Variants in CHN2 observed in about 807,000 individuals in gnomAD.
The protein encoded by CHN2 is chimerin 2.
A neutral mutation model predicts 56.3 loss-of-function variants in CHN2; 35 were observed. The ratio of observed to expected loss-of-function variants is 0.62; its 90% CI spans 0.47 to 0.82. The LOEUF (loss-of-function observed/expected upper bound fraction) is 0.82, where lower values mean the gene tolerates loss of function less well. Among genes scored for constraint, CHN2 ranks in the 40% least tolerant of loss-of-function variants. The pLI is 0.00. For missense variants in CHN2, 491 were observed against 580.5 expected, an observed-to-expected ratio of 0.85 and a Z score of 1.58; for synonymous variants, 210 against 212.8, an observed-to-expected ratio of 0.99 and a Z score of 0.12.
intron 6 of CHN2, among the ~76,000 whole-genome samples, chr7:29,428,085 A>T (rs1046805636): frequency 6.6e-6 from 1 of 152,218 alleles, no homozygotes; most frequent in African/African-American, 2.4e-5. Flanking sequence ...CTCTGGAGCT[A>T]GCTAAACTCG....
At chr7:29,482,775 T>C (rs1321717574) in intron 7 of CHN2, among the ~76,000 whole-genome samples, 1 of 148,320 alleles carries the variant, frequency 6.7e-6, no homozygotes, top group Admixed American at 6.8e-5. Context: ...TAGGCTTTGC[T>C]AGGTGCTGTC....
intron 7 of CHN2, 57 bp from the exon 8 acceptor site, chr7:29,495,895 T>C: frequency 6.9e-7 from 1 of 1,451,518 alleles, no homozygotes; most frequent in South Asian, 1.2e-5. Flanking sequence ...TGTCTGAGGC[T>C]ACCTGCCTTT....
intron 2 of CHN2, among the ~76,000 whole-genome samples, chr7:29,180,355 A>G (rs1005235445): frequency 6.6e-6 from 1 of 152,074 alleles, no homozygotes; most frequent in African/African-American, 2.4e-5. Context: ...GTGAAACCCT[A>G]TCTCTACTAA....
intron 1 of CHN2, among the ~76,000 whole-genome samples, chr7:29,286,890 C>A (rs1792189723): frequency 6.6e-6 from 1 of 152,120 alleles, no homozygotes; most frequent in Non-Finnish European, 1.5e-5. Context: ...TTATAGGATA[C>A]CTATGCTACC....
At chr7:29,146,594 C>T (rs1333512964) in exon 1 of CHN2, 1 of 1,550,088 alleles carries the variant, frequency 6.5e-7, no homozygotes, top group Non-Finnish European at 8.7e-7. Context: ...ATGACCCAGA[C>T]CCACAGGGCA....
At chr7:29,498,837 C>A (rs898459802) in intron 8 of CHN2, among the ~76,000 whole-genome samples, 3 of 144,408 alleles carry the variant, frequency 2.1e-5, no homozygotes, top group African/African-American at 7.8e-5. Flanking sequence ...TCTCAGCTTA[C>A]TGCAACCTCT....
chr7:29,186,253 CAA>C (rs70980510), intron 2 of CHN2, among the ~76,000 whole-genome samples: 1 of 146,108 alleles, frequency 6.8e-6, no homozygotes, highest in Non-Finnish European at 1.5e-5. Context: ...ATGTTTTAGG[CAA>C]AAAAAAAATG....
At chr7:29,328,416 C>A (rs1562520991) in intron 1 of CHN2, among the ~76,000 whole-genome samples, 1 of 152,016 alleles carries the variant, frequency 6.6e-6, no homozygotes, top group Non-Finnish European at 1.5e-5. Context: ...AAGAGCATTT[C>A]TTTTGAGAGT....
chr7:29,212,322 C>A, intron 1 of CHN2: 1 of 1,357,744 alleles, frequency 7.4e-7, no homozygotes, highest in Non-Finnish European at 1.1e-6. Flanking sequence ...TCTGGCTTGT[C>A]TGCAAAGCTT....
rs976391618 is a variant in CHN2, at chr7:29,250,705, C to T, written c.49+55715C>T. Among the ~76,000 whole-genome samples, 4 of 141,936 alleles carry T rather than the reference C, an allele frequency of 2.8e-5. No homozygotes were observed. In the East Asian group the frequency reaches 7.7e-4, roughly 27 times the overall value. 93.1% of individuals were successfully genotyped at this position (141,936 alleles called of 152,430 possible). ...AGACTCTTCCCTTTTTTTACCTGAA[C>T]TTCTTCTTTTTTTTTTTTTTTTTGA... On this transcript the variant is annotated intron_variant, in intron 1 of 12. Transcript: ENST00000222792.
At chr7:29,479,653 T>C (rs1245714487) in intron 6 of CHN2, 37 of 1,027,106 alleles carry the variant, frequency 3.6e-5, no homozygotes, top group Non-Finnish European at 4.2e-5. Flanking sequence ...GAGCCCCAGA[T>C]TAATTGGATG....
chr7:29,319,711 A>T (rs893966008), intron 1 of CHN2, among the ~76,000 whole-genome samples: 17 of 152,092 alleles, frequency 1.1e-4, no homozygotes. Context: ...TATTTCCAGC[A>T]TTTCTCTTCA....
At chr7:29,228,483 A>T (rs1000642068) in intron 1 of CHN2, among the ~76,000 whole-genome samples, 1 of 152,116 alleles carries the variant, frequency 6.6e-6, no homozygotes, top group Admixed American at 6.6e-5. Flanking sequence ...CACAACATGA[A>T]CTCCCCTCAC....
At chr7:29,350,477 G>C (rs1480803556) in intron 1 of CHN2, among the ~76,000 whole-genome samples, 1 of 152,096 alleles carries the variant, frequency 6.6e-6, no homozygotes, top group Non-Finnish European at 1.5e-5. Flanking sequence ...TGCTTTAGTG[G>C]TTTGTGAAAC....
chr7:29,438,582 A>G (rs538407092), intron 6 of CHN2, among the ~76,000 whole-genome samples: 1 of 152,220 alleles, frequency 6.6e-6, no homozygotes, highest in South Asian at 2.1e-4. Context: ...ATGTTCAACT[A>G]TTTCCTTAGA....
chr7:29,327,254 C>T (rs1475913730), intron 1 of CHN2, among the ~76,000 whole-genome samples: 6 of 152,134 alleles, frequency 3.9e-5, no homozygotes, highest in African/African-American at 1.4e-4. Flanking sequence ...CATAAGCATC[C>T]CTTGGGAACT....
Position 29,300,366 on chromosome 7 carries a change from A to G in CHN2, c.50-54259A>G, listed in dbSNP as rs78286951. On this transcript the variant is annotated intron_variant, in intron 1 of 12. Coordinates refer to ENST00000222792, the MANE Select transcript of CHN2 (RefSeq NM_004067.4). ...GACAGGACTTGGCCATTAGTGACATATGAGAAACAAAAGTGAGCTAGGGAG... is the reference window on the plus strand; with the variant it reads ...GACAGGACTTGGCCATTAGTGACATGTGAGAAACAAAAGTGAGCTAGGGAG... Among the ~76,000 whole-genome samples, 776 of 152,304 alleles carry G rather than the reference A, an allele frequency of 5.1e-3. 6 individuals are homozygous for G. The highest frequency in any genetic ancestry group is 0.018 in the African/African-American group (729 of 41,568).
At chr7:29,275,538 T>G (rs1473394647) in intron 1 of CHN2, among the ~76,000 whole-genome samples, 11 of 152,224 alleles carry the variant, frequency 7.2e-5, no homozygotes, top group Admixed American at 7.2e-4. Context: ...AGGGCAAGAA[T>G]AGCAATATAA....
intron 1 of CHN2, among the ~76,000 whole-genome samples, chr7:29,314,984 C>T (rs1468171741): frequency 6.6e-6 from 1 of 152,040 alleles, no homozygotes; most frequent in Non-Finnish European, 1.5e-5. Context: ...GAACTAATTA[C>T]ACTGTAAAAT....
Sources: allele counts gnomAD v4.1 joint callset (sites outside exome capture counted in the v4.1 genomes callset), GRCh38; gene constraint gnomAD v4.1.1; transcripts MANE v1.5; gene names NCBI Gene and HGNC (gene_info 2026-07-23, HGNC 2026-07-21).